Variants in TCF20 observed in about 807,000 individuals in gnomAD.
The protein encoded by TCF20 is SPRE-binding protein.
TCF20 carries 3 observed loss-of-function variants against 148.6 expected under a neutral mutation model. The ratio of observed to expected loss-of-function variants is 0.02; its 90% CI spans 0.01 to 0.05. The LOEUF is 0.05. TCF20 is among the 10% of genes least tolerant of loss of function. TCF20 has a pLI of 1.00. For synonymous variants in TCF20, 1,049 were observed against 909.5 expected, an observed-to-expected ratio of 1.15 and a Z score of -2.76; for missense variants, 2,350 against 2,429.3, an observed-to-expected ratio of 0.97 and a Z score of 0.69.
chr22:42,267,785 C>T (rs969103626), intron 1 of TCF20, among the ~76,000 whole-genome samples: 3 of 152,138 alleles, frequency 2.0e-5, no homozygotes, highest in Non-Finnish European at 4.4e-5. Context: ...TCTCCGAAGT[C>T]AATAATTATA....
upstream of TCF20, among the ~76,000 whole-genome samples, chr22:42,270,803 G>C (rs1402162287): frequency 1.4e-5 from 2 of 147,024 alleles, no homozygotes; most frequent in African/African-American, 4.9e-5. Context: ...CGCGTGCGGC[G>C]GCGTCGAGGC....
rs943245397 is a variant in TCF20, at chr22:42,221,742, T to TTTTTTTTTTG, written c.-36-6402_-36-6401insCAAAAAAAAA. Among the ~76,000 whole-genome samples the TTTTTTTTTTG allele has an allele frequency of 8.0e-5, 10 of 124,352 alleles. 2 individuals are homozygous for TTTTTTTTTTG. The highest frequency in any genetic ancestry group is 2.4e-4 in the Admixed American group (3 of 12,640). 81.6% of individuals were successfully genotyped at this position (124,352 alleles called of 152,430 possible). ...CTTATTAACCATATGGCAAAGGGTT[T>TTTTTTTTTTG]TTTTTTTTTTTTTTGAGACGGAGTC... On this transcript the variant is annotated intron_variant, in intron 1 of 5. Transcript: ENST00000677622.
At chr22:42,182,060 GGA>G (rs1481089973) in intron 2 of TCF20, among the ~76,000 whole-genome samples, 1 of 152,182 alleles carries the variant, frequency 6.6e-6, no homozygotes, top group Non-Finnish European at 1.5e-5. Context: ...GTGGCAAGAT[GGA>G]GAGACCTGGG....
chr22:42,256,876 G>T (rs537506770), intron 1 of TCF20, among the ~76,000 whole-genome samples: 12 of 152,132 alleles, frequency 7.9e-5, no homozygotes, highest in African/African-American at 2.9e-4. Context: ...AACTCTCCAG[G>T]AGCCAGGCAC....
At chr22:42,242,844 A>G (rs1924561933) in intron 1 of TCF20, among the ~76,000 whole-genome samples, 1 of 152,046 alleles carries the variant, frequency 6.6e-6, no homozygotes, top group Non-Finnish European at 1.5e-5. Flanking sequence ...TGGAGATCGC[A>G]CCACTGCACT....
intron 1 of TCF20, among the ~76,000 whole-genome samples, chr22:42,244,555 C>T (rs1467386979): frequency 2.6e-5 from 4 of 152,122 alleles, no homozygotes; most frequent in East Asian, 3.9e-4. Context: ...ACATATTGTA[C>T]GATTCCATCT....
rs527363805 is a variant in TCF20 at position 42,230,788 on chromosome 22, G to C, written c.-36-15447C>G. 3.9e-5 allele frequency among the ~76,000 whole-genome samples: 6 copies of C among 152,172 alleles called. No homozygotes were observed. The South Asian group carries it at 1.2e-3, about 32-fold the overall frequency. ...ATATTGATTATTCTGACCCTGTGTA[G>C]GTTTAGGCTAATGCATGTGTTTGTG... On this transcript the variant is annotated intron_variant, in intron 1 of 5. Transcript: ENST00000677622.
intron 3 of TCF20, among the ~76,000 whole-genome samples, chr22:42,178,903 A>C (rs1346669657): frequency 1.3e-5 from 2 of 152,150 alleles, no homozygotes; most frequent in Admixed American, 1.3e-4. Context: ...AAGGATGTGA[A>C]TAGCTATTTC....
intron 1 of TCF20, among the ~76,000 whole-genome samples, chr22:42,247,515 C>G (rs1242902928): frequency 6.6e-6 from 1 of 151,834 alleles, no homozygotes; most frequent in African/African-American, 2.4e-5. Flanking sequence ...AAAGGCACCT[C>G]TGGGGACACC....
chr22:42,300,791 G>C (rs911202548), intron 1 of TCF20, among the ~76,000 whole-genome samples: 1 of 152,118 alleles, frequency 6.6e-6, no homozygotes, highest in African/African-American at 2.4e-5. Context: ...CTTTGCCTCT[G>C]CTCAGCCCAT....
rs558943727 is a variant in TCF20 at position 42,338,815 on chromosome 22, G to A, written c.-37+4664C>T. ...ATGACAGTTTATTTCAACACATCTCGTATTAAATTGGGCTGGAGTCCCTTC... is the reference window on the plus strand; with the variant it reads ...ATGACAGTTTATTTCAACACATCTCATATTAAATTGGGCTGGAGTCCCTTC... On this transcript the variant is annotated intron_variant, in intron 1 of 1. Coordinates refer to the TCF20 transcript ENST00000515426. The surrounding 1 kb of genome is among the most constrained non-coding windows in gnomAD (Gnocchi z 4.0). Among the ~76,000 whole-genome samples, 4 of 152,254 alleles carry A rather than the reference G, an allele frequency of 2.6e-5. No individual in the cohort carries two copies. The highest frequency in any genetic ancestry group is 2.1e-4 in the South Asian group (1 of 4,828).
intron 2 of TCF20, among the ~76,000 whole-genome samples, chr22:42,184,632 A>C (rs558653457): frequency 1.3e-5 from 2 of 152,266 alleles, no homozygotes; most frequent in African/African-American, 4.8e-5. Flanking sequence ...CTCCAAGCAG[A>C]GGTAAGTCCA....
intron 1 of TCF20, among the ~76,000 whole-genome samples, chr22:42,238,288 T>A (rs914824223): frequency 6.6e-6 from 1 of 152,236 alleles, no homozygotes; most frequent in African/African-American, 2.4e-5. Context: ...TTCTTACTTT[T>A]TTCAGCCTTC....
chr22:42,242,992 A>G (rs1924575097), intron 1 of TCF20, among the ~76,000 whole-genome samples: 1 of 152,068 alleles, frequency 6.6e-6, no homozygotes, highest in Non-Finnish European at 1.5e-5. Flanking sequence ...TCTGGAAAAC[A>G]CCAAACTGTA....
At chr22:42,261,116 T>G (rs1236310610) in intron 1 of TCF20, among the ~76,000 whole-genome samples, 2 of 152,198 alleles carry the variant, frequency 1.3e-5, no homozygotes, top group African/African-American at 4.8e-5. Context: ...CCATTACATA[T>G]GATTTTTGGT....
chr22:42,261,775 C>G (rs548192790), intron 1 of TCF20, among the ~76,000 whole-genome samples: 1 of 152,120 alleles, frequency 6.6e-6, no homozygotes, highest in African/African-American at 2.4e-5. Context: ...GGGCAGATCA[C>G]GAGGTCAGGA....
intron 1 of TCF20, among the ~76,000 whole-genome samples, chr22:42,266,779 A>AAAAC (rs886583571): frequency 2.6e-5 from 4 of 152,204 alleles, no homozygotes; most frequent in African/African-American, 4.8e-5. Context: ...ACTCCGTCTC[A>AAAAC]AAACAAACAA....
At chr22:42,202,320 C>T (rs1938086535) in intron 2 of TCF20, among the ~76,000 whole-genome samples, 1 of 152,228 alleles carries the variant, frequency 6.6e-6, no homozygotes, top group Non-Finnish European at 1.5e-5. Context: ...ATGTGCCAAA[C>T]ACTGCTCTAA....
chr22:42,268,478 CAGG>C (rs952689567), intron 1 of TCF20, among the ~76,000 whole-genome samples: 1 of 152,208 alleles, frequency 6.6e-6, no homozygotes, highest in Non-Finnish European at 1.5e-5. Context: ...TACCATTTCA[CAGG>C]AGATGTTATG....
Sources: allele counts gnomAD v4.1 joint callset (sites outside exome capture counted in the v4.1 genomes callset), GRCh38; gene constraint gnomAD v4.1.1; non-coding constraint Gnocchi (gnomAD v3.1); transcripts MANE v1.5; gene names NCBI Gene and HGNC (gene_info 2026-07-23, HGNC 2026-07-21).